RAPGEF6: variants seen among roughly 807,000 people sequenced by gnomAD.
RAPGEF6 encodes PDZ domain containing guanine nucleotide exchange factor (GEF) 2.
Under a neutral mutation model 171.4 loss-of-function variants are expected in RAPGEF6, and 56 were observed. The observed-to-expected ratio is 0.33, with a 90% CI of 0.26 to 0.41. The LOEUF is 0.41. Ranked by LOEUF, RAPGEF6 falls within the 10% of genes least tolerant of loss-of-function variation. RAPGEF6 has a pLI of 1.00. For missense variants in RAPGEF6, 1,674 were observed against 1,921.4 expected (o/e 0.87, Z 2.41); for synonymous variants, 692 against 650.1 (o/e 1.06, Z -0.98).
intron 6 of RAPGEF6, among the ~76,000 whole-genome samples, chr5:131,524,619 A>AGAGAGAGAGC (rs1758753668): frequency 3.7e-5 from 1 of 26,764 alleles, no homozygotes; most frequent in African/African-American, 5.9e-5. Context: ...TGAGAGAGAG[A>AGAGAGAGAGC]GAGAGAGAGA....
intron 24 of RAPGEF6, chr5:131,436,377 G>A: frequency 6.5e-7 from 1 of 1,536,234 alleles, no homozygotes; most frequent in Non-Finnish European, 8.7e-7. Context: ...ATATGATACT[G>A]CCAACTGGAG....
chr5:131,520,956 A>G (rs189399480), intron 7 of RAPGEF6, among the ~76,000 whole-genome samples: 1 of 152,312 alleles, frequency 6.6e-6, no homozygotes, highest in East Asian at 1.9e-4. Flanking sequence ...TTTGCTATTT[A>G]ATTCACGCTA....
intron 12 of RAPGEF6, among the ~76,000 whole-genome samples, chr5:131,496,551 G>A (rs188585039): frequency 8.3e-4 from 127 of 152,216 alleles, no homozygotes; most frequent in Non-Finnish European, 2.9e-5. Context: ...GCGGCCACTA[G>A]TCTGCTTTTC....
In RAPGEF6 at chr5:131,472,723, T is replaced by C; in HGVS notation, c.2103A>G (p.Ser701=). ...KLFSDGGLSQ[S]QDDSIVGTRH... ...TTGTTCCCACAATGCTGTCATCTTG[T>C]GATTGGCTTAGGCCTCCATCACTTC... The change falls in exon 17 of 28, where the codon TCA becomes TCG. Residue 701 remains serine (S), a synonymous_variant. Coordinates refer to ENST00000509018, the MANE Select transcript of RAPGEF6 (RefSeq NM_016340.6). 2 of 1,612,236 alleles carry C rather than the reference T, an allele frequency of 1.2e-6. No individual in the cohort carries two copies. The highest frequency in any genetic ancestry group is 1.7e-6 in the Non-Finnish European group (2 of 1,178,254).
At chr5:131,439,448 C>A in intron 24 of RAPGEF6, 133 bp downstream of exon 24, 1 of 1,396,830 alleles carries the variant, frequency 7.2e-7, no homozygotes, top group East Asian at 2.5e-5. Context: ...TACAAAACAT[C>A]AAAGTTCAAA....
At chr5:131,511,154 T>C (rs984289638) in intron 7 of RAPGEF6, 7 of 152,306 alleles carry the variant, frequency 4.6e-5, no homozygotes, top group African/African-American at 1.7e-4. Flanking sequence ...ATATTAGTCT[T>C]ACATATTTTA....
intron 15 of RAPGEF6, among the ~76,000 whole-genome samples, chr5:131,481,815 G>A (rs1755503052): frequency 6.6e-6 from 1 of 152,222 alleles, no homozygotes; most frequent in African/African-American, 2.4e-5. Context: ...TGCATGAGCT[G>A]TGGAAGCAAA....
chr5:131,525,632 C>T (rs995558323), intron 6 of RAPGEF6, among the ~76,000 whole-genome samples: 5 of 149,386 alleles, frequency 3.3e-5, no homozygotes, highest in Non-Finnish European at 5.9e-5. Context: ...CAAAGACCTT[C>T]CTCCCACTTA....
intron 15 of RAPGEF6, among the ~76,000 whole-genome samples, chr5:131,481,734 T>G (rs1028904522): frequency 2.0e-5 from 3 of 152,242 alleles, no homozygotes; most frequent in African/African-American, 7.2e-5. Context: ...TGAGTCATGG[T>G]GCCTGAAGAA....
intron 24 of RAPGEF6, chr5:131,435,966 C>T (rs267600342): frequency 5.9e-6 from 9 of 1,532,398 alleles, no homozygotes; most frequent in Non-Finnish European, 7.9e-6. Flanking sequence ...GTGTCTTCCT[C>T]CTTTTAGACT....
intron 6 of RAPGEF6, among the ~76,000 whole-genome samples, chr5:131,529,896 TC>T (rs1759252329): frequency 7.0e-6 from 1 of 142,024 alleles, no homozygotes; most frequent in Admixed American, 7.0e-5. Flanking sequence ...GGGCCTTGTC[TC>T]CCTCTTTTTT....
chr5:131,434,660 G>GA (rs1010095052), intron 24 of RAPGEF6, among the ~76,000 whole-genome samples: 5 of 152,068 alleles, frequency 3.3e-5, no homozygotes, highest in African/African-American at 9.7e-5. Context: ...ATGTGTTATA[G>GA]AAAAAAACAG....
intron 3 of RAPGEF6, among the ~76,000 whole-genome samples, chr5:131,600,227 T>C (rs1764147017): frequency 6.6e-6 from 1 of 152,152 alleles, no homozygotes; most frequent in African/African-American, 2.4e-5. Context: ...TTAATTGTGT[T>C]AACATGTAAT....
intron 23 of RAPGEF6, among the ~76,000 whole-genome samples, chr5:131,442,088 G>T (rs2149813750): frequency 6.6e-6 from 1 of 152,206 alleles, no homozygotes; most frequent in East Asian, 1.9e-4. Context: ...TAAGCCCTTG[G>T]TACCCAAAAT....
chr5:131,476,296 ATATT>A (rs1445934861), intron 16 of RAPGEF6, among the ~76,000 whole-genome samples: 1 of 152,120 alleles, frequency 6.6e-6, no homozygotes, highest in African/African-American at 2.4e-5. Context: ...TCATTTTAAA[ATATT>A]TATTGGCTAG....
chr5:131,518,693 G>A (rs1758267492), intron 7 of RAPGEF6, among the ~76,000 whole-genome samples: 2 of 152,116 alleles, frequency 1.3e-5, no homozygotes, highest in South Asian at 2.1e-4. Context: ...ACTGTGCCCA[G>A]CAGCAGAGTT....
At chr5:131,463,263 G>C (rs1053703266) in intron 18 of RAPGEF6, among the ~76,000 whole-genome samples, 45 of 152,128 alleles carry the variant, frequency 3.0e-4, no homozygotes, top group African/African-American at 1.1e-3. Flanking sequence ...TTCTACATAT[G>C]AAACTGGGTT....
chr5:131,612,597 T>C (rs1426450579), intron 1 of RAPGEF6, among the ~76,000 whole-genome samples: 1 of 152,174 alleles, frequency 6.6e-6, no homozygotes, highest in African/African-American at 2.4e-5. Context: ...TCACAAAATG[T>C]CTATCCTGTG....
In RAPGEF6 at chr5:131,628,991, A is replaced by AT. The variant is rs550414814; in HGVS notation, c.69+5970dup. On this transcript the variant is annotated intron_variant, in intron 1 of 27. Coordinates refer to ENST00000509018, the MANE Select transcript of RAPGEF6 (RefSeq NM_016340.6). ...ATGGAGGTACACAAGGAGATTAGTGATTTTTTTCAGGCCTGCTAATACAAC... is the reference window on the plus strand; with the variant it reads ...ATGGAGGTACACAAGGAGATTAGTGATTTTTTTTCAGGCCTGCTAATACAAC... Among the ~76,000 whole-genome samples, 26 of 152,280 alleles carry AT rather than the reference A, an allele frequency of 1.7e-4. No homozygotes were observed. The East Asian group carries it at 2.1e-3, about 12-fold the overall frequency.
Sources: gnomAD v4.1 joint callset for allele counts (sites outside exome capture counted in the v4.1 genomes callset) on GRCh38, gnomAD v4.1.1 for gene constraint, MANE v1.5 for transcripts, NCBI Gene and HGNC (gene_info 2026-07-23, HGNC 2026-07-21) for gene names.